The following DSCAM variants were observed in gnomAD, a reference collection of about 807,000 sequenced individuals.
DSCAM encodes the protein DS cell adhesion molecule.
Under a neutral mutation model 217.7 loss-of-function variants are expected in DSCAM, and 47 were observed. The ratio of observed to expected loss-of-function variants is 0.22; its 90% CI spans 0.17 to 0.28. The LOEUF is 0.28. Ranked by LOEUF, DSCAM falls within the 10% of genes least tolerant of loss-of-function variation. The probability of loss-of-function intolerance (pLI) is 1.00; values close to 1 mark genes in which losing one functional copy is unlikely to be tolerated. For synonymous variants in DSCAM, 1,056 were observed against 1,015.3 expected, an observed-to-expected ratio of 1.04 and a Z score of -0.76; for missense variants, 2,080 against 2,618.3, an observed-to-expected ratio of 0.79 and a Z score of 4.49.
intron 3 of DSCAM, among the ~76,000 whole-genome samples, chr21:40,400,317 CA>C (rs1384066832): frequency 3.3e-5 from 5 of 152,018 alleles, no homozygotes; most frequent in South Asian, 2.1e-4. Context: ...TTTTCCAAAA[CA>C]AAAAAATAGC....
At chr21:40,751,702 T>C (rs1162057678) in intron 1 of DSCAM, among the ~76,000 whole-genome samples, 2 of 151,996 alleles carry the variant, frequency 1.3e-5, no homozygotes, top group Non-Finnish European at 2.9e-5. Flanking sequence ...TAGGGTGGGG[T>C]GGGGACGTGA....
chr21:40,263,840 A>T (rs2073486274), intron 11 of DSCAM, among the ~76,000 whole-genome samples: 1 of 152,160 alleles, frequency 6.6e-6, no homozygotes, highest in African/African-American at 2.4e-5. Flanking sequence ...GAAGATTCAG[A>T]TAAGTTCAAT....
chr21:40,563,602 A>ATATATGTT (rs1357325343), intron 3 of DSCAM, among the ~76,000 whole-genome samples: 5 of 142,904 alleles, frequency 3.5e-5, no homozygotes, highest in Non-Finnish European at 6.1e-5. Context: ...TATATGTTAT[A>ATATATGTT]TATATGTTTA....
At chr21:40,585,179 C>CTTTCATTT (rs371140909) in intron 3 of DSCAM, among the ~76,000 whole-genome samples, 1 of 145,916 alleles carries the variant, frequency 6.9e-6, no homozygotes. Context: ...AAATCAACTT[C>CTTTCATTT]TTTTTTTTTT....
chr21:40,094,465 C>T (rs115861247), intron 20 of DSCAM, among the ~76,000 whole-genome samples: 2,867 of 152,214 alleles, frequency 0.019, 88 homozygotes, highest in African/African-American at 0.066. Flanking sequence ...GAGAGCTACA[C>T]ACAAAGGACA....
rs967530904 is a variant in DSCAM, at chr21:40,128,705, A to C, written c.3563-4377T>G. 5.3e-5 allele frequency among the ~76,000 whole-genome samples: 8 copies of C among 151,798 alleles called. No homozygotes were observed. In the South Asian group the frequency reaches 8.3e-4, roughly 16 times the overall value. ...CTCCAGCCTCATAACCAAACAAAAA[A>C]AAAAAAAAAAAAAGATCCCATATCC... On this transcript the variant is annotated intron_variant, in intron 19 of 32. Transcript: ENST00000400454.
At chr21:40,820,452 G>A (rs1353728309) in intron 1 of DSCAM, among the ~76,000 whole-genome samples, 1 of 152,092 alleles carries the variant, frequency 6.6e-6, no homozygotes, top group Non-Finnish European at 1.5e-5. Flanking sequence ...ACACACCAGG[G>A]CCTGTCAGGG....
chr21:40,765,468 G>T (rs891848039), intron 1 of DSCAM, among the ~76,000 whole-genome samples: 13 of 152,216 alleles, frequency 8.5e-5, no homozygotes, highest in African/African-American at 3.1e-4. Flanking sequence ...TTTATTCTCT[G>T]GGGTATCTAT....
At chr21:40,762,237 G>A (rs978223232) in intron 1 of DSCAM, among the ~76,000 whole-genome samples, 5 of 151,976 alleles carry the variant, frequency 3.3e-5, no homozygotes, top group Admixed American at 6.6e-5. Context: ...GAAGAAAAGA[G>A]AGGAGAATCA....
intron 27 of DSCAM, among the ~76,000 whole-genome samples, chr21:40,066,948 G>A (rs1270156862): frequency 1.3e-5 from 2 of 152,270 alleles, no homozygotes; most frequent in African/African-American, 2.4e-5. Flanking sequence ...TGTTGAAAAT[G>A]GGTCCAGGGT....
At chr21:40,714,765 G>A (rs1185564097) in intron 1 of DSCAM, among the ~76,000 whole-genome samples, 2 of 152,164 alleles carry the variant, frequency 1.3e-5, no homozygotes, top group Non-Finnish European at 2.9e-5. Context: ...TTGGGGTACT[G>A]GGATTCAATG....
intron 2 of DSCAM, among the ~76,000 whole-genome samples, chr21:40,706,362 A>G (rs1489168913): frequency 6.6e-6 from 1 of 152,142 alleles, no homozygotes; most frequent in Non-Finnish European, 1.5e-5. Flanking sequence ...TCCAGCCCTT[A>G]GAACAGGCAA....
chr21:40,121,187 G>T (rs2090029431), intron 20 of DSCAM, among the ~76,000 whole-genome samples: 1 of 152,148 alleles, frequency 6.6e-6, no homozygotes, highest in Admixed American at 6.5e-5. Context: ...AAACTTGACA[G>T]CATCTAGTTT....
At chr21:40,704,399 T>C (rs2090689943) in intron 2 of DSCAM, among the ~76,000 whole-genome samples, 1 of 152,206 alleles carries the variant, frequency 6.6e-6, no homozygotes. Flanking sequence ...CTTCATTTTA[T>C]ACTATAATTT....
chr21:40,064,153 G>A, intron 27 of DSCAM, among the ~76,000 whole-genome samples: 2 of 146,930 alleles, frequency 1.4e-5, no homozygotes, highest in South Asian at 2.2e-4. Context: ...TATACTTCAT[G>A]TATGTATATA....
At chr21:40,307,927 C>T (rs1418416551) in intron 9 of DSCAM, among the ~76,000 whole-genome samples, 2 of 120,036 alleles carry the variant, frequency 1.7e-5, no homozygotes, top group Non-Finnish European at 3.3e-5. Flanking sequence ...ACTCTGGGGA[C>T]TGTTGTGGGA....
chr21:40,307,366 A>G (rs1366912731), intron 9 of DSCAM, among the ~76,000 whole-genome samples: 1 of 152,216 alleles, frequency 6.6e-6, no homozygotes, highest in South Asian at 2.1e-4. Context: ...AGAAATGCAA[A>G]TCAAAACCAC....
chr21:40,685,245 A>G (rs1169876180), intron 3 of DSCAM, among the ~76,000 whole-genome samples: 1 of 152,224 alleles, frequency 6.6e-6, no homozygotes, highest in Non-Finnish European at 1.5e-5. Flanking sequence ...GAGTTAACAC[A>G]GTAGGTCTGA....
chr21:40,223,131 C>G (rs1230124410), intron 11 of DSCAM, among the ~76,000 whole-genome samples: 1 of 152,186 alleles, frequency 6.6e-6, no homozygotes, highest in Non-Finnish European at 1.5e-5. Context: ...GCAGCCTGCC[C>G]TCAGTCCCTG....
Sources: allele counts gnomAD v4.1 joint callset (sites outside exome capture counted in the v4.1 genomes callset), GRCh38; gene constraint gnomAD v4.1.1; transcripts MANE v1.5; gene names NCBI Gene and HGNC (gene_info 2026-07-23, HGNC 2026-07-21).